Variants in ACACA observed in about 807,000 individuals in gnomAD.
ACACA encodes the protein acetyl-CoA carboxylase alpha, also known as acetyl-CoA carboxylase 1.
Under a neutral mutation model 296.1 loss-of-function variants are expected in ACACA, and 103 were observed. The ratio of observed to expected loss-of-function variants is 0.35; its 90% CI spans 0.30 to 0.41. The LOEUF (loss-of-function observed/expected upper bound fraction) is 0.41, where lower values mean the gene tolerates loss of function less well. Ranked by LOEUF, ACACA falls within the 10% of genes least tolerant of loss-of-function variation. The pLI, the probability that ACACA is intolerant of heterozygous loss-of-function variation, is 1.00. For missense variants in ACACA, 1,554 were observed against 2,989.7 expected (o/e 0.52, Z 11.20); for synonymous variants, 953 against 1,038.6 (o/e 0.92, Z 1.58).
chr17:37,110,730 G>C (rs1281620042), intron 52 of ACACA, among the ~76,000 whole-genome samples: 2 of 152,090 alleles, frequency 1.3e-5, no homozygotes, highest in East Asian at 3.8e-4. Flanking sequence ...CATTCACTGA[G>C]TTTCACTACC....
intron 41 of ACACA, among the ~76,000 whole-genome samples, chr17:37,171,659 C>T (rs1018005967): frequency 2.0e-5 from 3 of 147,766 alleles, no homozygotes; most frequent in South Asian, 4.3e-4. Flanking sequence ...CTCTAAACAG[C>T]GATAAAAGGG....
rs577473073 is a variant in ACACA at position 37,193,312 on chromosome 17, G to A, written c.4200+62C>T. On this transcript the variant is annotated intron_variant, in intron 36 of 55. Coordinates refer to ENST00000616317, the MANE Select transcript of ACACA (RefSeq NM_198834.3). ...GAAGAACGTATGGCAAAGATAAGCC[G>A]CTCTTGGGCTTTTAAGAAAAAGTAA... is the stretch of plus-strand genomic sequence containing the variant. The A allele has an allele frequency of 2.4e-4, 305 of 1,271,046 alleles. 2 individuals are homozygous for A. The highest frequency in any genetic ancestry group is 3.0e-4 in the Admixed American group (17 of 56,096). The allele number at this position is 1,271,046 out of a possible 1,614,324, so 78.7% of individuals were successfully genotyped here. A position where few individuals can be genotyped will look rare whatever the true frequency, so the allele number is the denominator to read the frequency against.
intron 45 of ACACA, among the ~76,000 whole-genome samples, chr17:37,149,649 G>C (rs894368696): frequency 6.6e-6 from 1 of 152,170 alleles, no homozygotes; most frequent in Non-Finnish European, 1.5e-5. Context: ...AAAACAGTAA[G>C]TACTCAAAAT....
In ACACA at chr17:37,087,476, A is replaced by C. The variant is rs148844778; in HGVS notation, c.7029-37T>G. The C allele has an allele frequency of 1.9e-3, 3,017 of 1,613,762 alleles. 81 individuals carry two copies. The Admixed American group carries it at 0.045, about 24-fold the overall frequency. On this transcript the variant is annotated intron_variant, in intron 55 of 55. Transcript: ENST00000616317. ...GATTGAGAATGGTGAAGAAAAGAGA[A>C]GCAGAAGTGTCTAGATGAGGACAGC... is the stretch of plus-strand genomic sequence containing the variant.
chr17:37,170,042 G>A (rs1235031052), intron 41 of ACACA, among the ~76,000 whole-genome samples: 1 of 152,006 alleles, frequency 6.6e-6, no homozygotes, highest in Non-Finnish European at 1.5e-5. Context: ...AAATTATTTT[G>A]TCATTACTAT....
At chr17:37,144,239 A>T (rs2075719834) in intron 45 of ACACA, 2 of 699,316 alleles carry the variant, frequency 2.9e-6, no homozygotes, top group Admixed American at 3.7e-5. Context: ...TTGCACAAAA[A>T]ATGCGTATGA....
At chr17:37,155,855 AATGAAGCTT>A in intron 42 of ACACA, 75 bp from the exon 43 acceptor site, 1 of 1,013,994 alleles carries the variant, frequency 9.9e-7, no homozygotes, top group South Asian at 1.3e-5. Flanking sequence ...AAGCATACAT[AATGAAGCTT>A]GTTCCACAGC....
At chr17:37,166,543 C>T (rs1014750893) in intron 41 of ACACA, among the ~76,000 whole-genome samples, 5 of 152,188 alleles carry the variant, frequency 3.3e-5, no homozygotes, top group African/African-American at 1.2e-4. Flanking sequence ...TATTCTTAAA[C>T]TATTTTATTT....
chr17:37,297,218 T>C (rs1158546678), intron 3 of ACACA, among the ~76,000 whole-genome samples: 2 of 150,898 alleles, frequency 1.3e-5, no homozygotes, highest in African/African-American at 4.9e-5. Flanking sequence ...AAGGCGGGCA[T>C]ATCACCTGAG....
At chr17:37,315,237 C>T (rs1353456351) in intron 3 of ACACA, among the ~76,000 whole-genome samples, 4 of 152,178 alleles carry the variant, frequency 2.6e-5, no homozygotes, top group East Asian at 1.9e-4. Context: ...GGATTACAGG[C>T]GTGAGCCACC....
chr17:37,166,925 C>T (rs1318733307), intron 41 of ACACA, among the ~76,000 whole-genome samples: 2 of 151,996 alleles, frequency 1.3e-5, no homozygotes, highest in African/African-American at 4.8e-5. Context: ...GTAACCTGTC[C>T]TTATAGCTAA....
intron 2 of ACACA, among the ~76,000 whole-genome samples, chr17:37,332,593 A>C (rs1013054697): frequency 1.4e-5 from 2 of 147,154 alleles, no homozygotes; most frequent in Non-Finnish European, 3.0e-5. Flanking sequence ...CATCAAAACA[A>C]GATCCCATCT....
rs1469084322 is a variant in ACACA at position 37,288,640 on chromosome 17, G to C, written c.339-3670C>G. The stretch of plus-strand genomic sequence containing the variant: ...TGGCCTGGTACATTGGTTCACACGT[G>C]TAAACCCAGCACTCTGGGAGGGCAA... On this transcript the variant is annotated intron_variant, in intron 3 of 55. Transcript: ENST00000616317. Among the ~76,000 whole-genome samples, 3 of 152,186 alleles carry C rather than the reference G, an allele frequency of 2.0e-5. No individual in the cohort carries two copies. The East Asian group carries it at 5.8e-4, about 29-fold the overall frequency.
At chr17:37,248,932 T>C (rs769725845) in intron 16 of ACACA, among the ~76,000 whole-genome samples, 9 of 152,100 alleles carry the variant, frequency 5.9e-5, no homozygotes, top group African/African-American at 9.7e-5. Flanking sequence ...GTGTTGGGGA[T>C]ATTAACACTA....
intron 3 of ACACA, chr17:37,299,525 A>C: frequency 1.4e-6 from 2 of 1,432,258 alleles, no homozygotes. Context: ...ATTGTTCCCA[A>C]TTTCCTTCTT....
rs10533479 is a variant in ACACA, at chr17:37,316,302, TACACACACAC to T, written c.338+13861_338+13870del. On this transcript the variant is annotated intron_variant, in intron 3 of 55. Transcript: ENST00000616317. ...CTACCCTACCAGCTCTACCCTTACATACACACACACACACACACACACACACACACACCCC... is the reference window on the plus strand; with the variant it reads ...CTACCCTACCAGCTCTACCCTTACATACACACACACACACACACACACCCC... Among the ~76,000 whole-genome samples the T allele has an allele frequency of 1.3e-4, 18 of 142,596 alleles. No individual in the cohort carries two copies. In the South Asian group the frequency reaches 1.8e-3, roughly 14 times the overall value. 93.5% of individuals were successfully genotyped at this position (142,596 alleles called of 152,430 possible). A position where few individuals can be genotyped will look rare whatever the true frequency, so the allele number is the denominator to read the frequency against.
chr17:37,374,830 G>A (rs1597732486), intron 1 of ACACA, among the ~76,000 whole-genome samples: 1 of 152,208 alleles, frequency 6.6e-6, no homozygotes, highest in Admixed American at 6.5e-5. Context: ...GGAGTGTGAA[G>A]ATGTGCAAAA....
At chr17:37,361,258 C>G (rs182822599) in intron 1 of ACACA, among the ~76,000 whole-genome samples, 15 of 152,060 alleles carry the variant, frequency 9.9e-5, no homozygotes, top group Admixed American at 6.6e-4. Flanking sequence ...AGGATGGTCT[C>G]GATCTCTTGA....
intron 52 of ACACA, among the ~76,000 whole-genome samples, chr17:37,110,912 C>T (rs2073939332): frequency 6.6e-6 from 1 of 152,180 alleles, no homozygotes; most frequent in Admixed American, 6.5e-5. Flanking sequence ...CTGGACTCAA[C>T]ACAGGACTCC....
Sources: gnomAD v4.1 joint callset for allele counts (sites outside exome capture counted in the v4.1 genomes callset) on GRCh38, gnomAD v4.1.1 for gene constraint, MANE v1.5 for transcripts, NCBI Gene and HGNC (gene_info 2026-07-23, HGNC 2026-07-21) for gene names.